The following RIN3 variants were observed in gnomAD, a reference collection of about 807,000 sequenced individuals.
RIN3 encodes the protein Ras and Rab interactor 3.
In RIN3, 54 loss-of-function variants were observed where a neutral mutation model predicts 76.3. The ratio of observed to expected loss-of-function variants is 0.71; its 90% CI spans 0.57 to 0.89. The LOEUF is 0.89. Among genes scored for constraint, RIN3 ranks in the 40% least tolerant of loss-of-function variants. The pLI is 0.00. For synonymous variants in RIN3, 576 were observed against 564.0 expected (o/e 1.02, Z -0.30); for missense variants, 1,256 against 1,322.1 (o/e 0.95, Z 0.78).
intron 4 of RIN3, among the ~76,000 whole-genome samples, chr14:92,619,281 T>G (rs562392799): frequency 2.8e-4 from 42 of 152,278 alleles, no homozygotes; most frequent in African/African-American, 9.9e-4. Flanking sequence ...TGAAGTTTGA[T>G]TTTGGAATTC....
At chr14:92,670,505 A>AG (rs1046524245) in intron 7 of RIN3, among the ~76,000 whole-genome samples, 27 of 152,158 alleles carry the variant, frequency 1.8e-4, no homozygotes, top group Admixed American at 6.5e-4. Context: ...CAGGCTGCTC[A>AG]GGAAGGAGAG....
intron 6 of RIN3, among the ~76,000 whole-genome samples, chr14:92,653,396 C>G (rs1887547369): frequency 6.6e-6 from 1 of 152,228 alleles, no homozygotes; most frequent in African/African-American, 2.4e-5. Context: ...AGCAGGACCA[C>G]TGTGTGGTGC....
chr14:92,529,395 C>T (rs1188280783), intron 1 of RIN3, among the ~76,000 whole-genome samples: 16 of 151,850 alleles, frequency 1.1e-4, no homozygotes, highest in African/African-American at 2.9e-4. Flanking sequence ...ATTACAGGCG[C>T]GTGCCACCAC....
chr14:92,555,588 C>T (rs1000056491), intron 1 of RIN3, among the ~76,000 whole-genome samples, 163 bp from the exon 2 acceptor site: 1 of 152,092 alleles, frequency 6.6e-6, no homozygotes, highest in East Asian at 1.9e-4. Context: ...CTACAAGCAC[C>T]CTAAGATGAA....
intron 3 of RIN3, among the ~76,000 whole-genome samples, chr14:92,603,472 G>A (rs1173514276): frequency 4.6e-5 from 7 of 152,110 alleles, no homozygotes; most frequent in Admixed American, 4.6e-4. Flanking sequence ...CGACCCAGAG[G>A]GTGTGGGAGG....
chr14:92,520,344 A>G (rs1595384697), intron 1 of RIN3, among the ~76,000 whole-genome samples: 1 of 152,190 alleles, frequency 6.6e-6, no homozygotes, highest in East Asian at 1.9e-4. Context: ...GCCTGGAGCC[A>G]TGGGGAAGCA....
At chr14:92,542,443 A>G (rs1338272741) in intron 1 of RIN3, among the ~76,000 whole-genome samples, 1 of 152,222 alleles carries the variant, frequency 6.6e-6, no homozygotes, top group African/African-American at 2.4e-5. Flanking sequence ...TGCTGGAGAA[A>G]TTAGAACCCT....
chr14:92,685,284 TCCCCACACCAGAGGAAGGGC>T lies in RIN3; in HGVS notation c.2631+140_2631+159del, dbSNP rs1295312223. 7 of 927,518 alleles carry T rather than the reference TCCCCACACCAGAGGAAGGGC, an allele frequency of 7.5e-6. No individual in the cohort carries two copies. The highest frequency in any genetic ancestry group is 1.7e-5 in the African/African-American group (1 of 59,938). The allele number at this position is 927,518 out of a possible 1,614,324, so 57.5% of individuals were successfully genotyped here. ...CCCTGCCTTAGGGGAGCAGTGAGAC[TCCCCACACCAGAGGAAGGGC>T]CCCCAGCCCCTGCTGCCAGTGTGTG... On this transcript the variant is annotated intron_variant, in intron 9 of 9. Coordinates refer to ENST00000216487, the MANE Select transcript of RIN3 (RefSeq NM_024832.5). This position sits in a 1 kb window ranked among gnomAD's most constrained non-coding sequence, Gnocchi z 4.7.
At chr14:92,583,778 G>A (rs1361426962) in intron 3 of RIN3, among the ~76,000 whole-genome samples, 1 of 152,184 alleles carries the variant, frequency 6.6e-6, no homozygotes, top group Non-Finnish European at 1.5e-5. Flanking sequence ...ATTCCATGGT[G>A]TATATGCACT....
chr14:92,524,862 G>A (rs1043106655), intron 1 of RIN3, among the ~76,000 whole-genome samples: 3 of 152,224 alleles, frequency 2.0e-5, no homozygotes, highest in African/African-American at 7.2e-5. Flanking sequence ...ATGGCACGAG[G>A]CCCCAGAGAT....
At chr14:92,664,433 T>A (rs12885278) in intron 7 of RIN3, among the ~76,000 whole-genome samples, 37,548 of 142,680 alleles carry the variant, frequency 0.26, 6,097 homozygotes, top group East Asian at 0.43. Flanking sequence ...AGTGGCGCGA[T>A]CTCGGCTCAC....
chr14:92,544,352 T>C (rs1222342294), intron 1 of RIN3, among the ~76,000 whole-genome samples: 3 of 141,934 alleles, frequency 2.1e-5, no homozygotes, highest in Non-Finnish European at 3.0e-5. Flanking sequence ...TCCTCTGGCA[T>C]CAGCTGTTCT....
Position 92,652,386 on chromosome 14 carries a change from T to C in RIN3, c.1337T>C (p.Met446Thr). 2 of 1,611,468 alleles carry C rather than the reference T, an allele frequency of 1.2e-6. No homozygotes were observed. Among genetic ancestry groups the C allele is most frequent in the Non-Finnish European group, 1.7e-6 (2 of 1,178,752 alleles). ...GTGAAAGCCAGCGATCCTCACAGCA[T>C]GCCAGAGCTGCCCAGGACAGCCAAA... The part of the protein sequence containing the change: ...TEVKASDPHS[M>T]PELPRTAKQP... The change falls in exon 6 of 10, where the codon ATG becomes ACG. Residue 446 changes from methionine to threonine, a missense_variant. This residue lies in a region of RIN3 where 610 missense variants were observed against 626.4 expected (regional missense o/e 0.97). Coordinates refer to ENST00000216487, the MANE Select transcript of RIN3 (RefSeq NM_024832.5). The surrounding 1 kb of genome is among the most constrained non-coding windows in gnomAD (Gnocchi z 6.4).
At chr14:92,550,619 A>G (rs1351489241) in intron 1 of RIN3, among the ~76,000 whole-genome samples, 3 of 152,286 alleles carry the variant, frequency 2.0e-5, no homozygotes, top group Admixed American at 6.5e-5. Context: ...TGGTCTCACT[A>G]TATTTCCCAG....
Position 92,648,090 on chromosome 14 carries a change from C to CCT in RIN3, c.533-3492_533-3491insCT, listed in dbSNP as rs1555391128. 7.2e-6 allele frequency among the ~76,000 whole-genome samples: 1 copy of CCT among 138,834 alleles called. No homozygotes were observed. The allele number at this position is 138,834 out of a possible 152,430, so 91.1% of individuals were successfully genotyped here. A position where few individuals can be genotyped will look rare whatever the true frequency, so the allele number is the denominator to read the frequency against. ...GCTGCAGAGAAAGTTACTCATTTCC[C>CCT]TTTTTTTTTTTTTTTTGGAGCATAA... On this transcript the variant is annotated intron_variant, in intron 5 of 9. Coordinates refer to ENST00000216487, the MANE Select transcript of RIN3 (RefSeq NM_024832.5). This position sits in a 1 kb window ranked among gnomAD's most constrained non-coding sequence, Gnocchi z 4.1.
intron 3 of RIN3, among the ~76,000 whole-genome samples, chr14:92,606,527 G>A (rs888478455): frequency 3.9e-5 from 6 of 151,976 alleles, no homozygotes; most frequent in African/African-American, 1.2e-4. Flanking sequence ...TCTGGGTAAC[G>A]GAGCAGGACC....
chr14:92,525,151 G>T (rs900325711), intron 1 of RIN3, among the ~76,000 whole-genome samples: 5 of 152,176 alleles, frequency 3.3e-5, no homozygotes, highest in African/African-American at 1.2e-4. Flanking sequence ...GTGGGGTGGG[G>T]GTTGGCCTGC....
At chr14:92,558,666 A>C (rs562194310) in intron 2 of RIN3, among the ~76,000 whole-genome samples, 1 of 152,278 alleles carries the variant, frequency 6.6e-6, no homozygotes, top group South Asian at 2.1e-4. Context: ...TAAAAGGTAC[A>C]TTGTCATGAG....
chr14:92,606,813 GT>G (rs1303208155), intron 3 of RIN3, among the ~76,000 whole-genome samples: 1 of 152,196 alleles, frequency 6.6e-6, no homozygotes, highest in East Asian at 1.9e-4. Context: ...ATATAAAATG[GT>G]GCTGTCACTT....
Sources: allele counts gnomAD v4.1 joint callset (sites outside exome capture counted in the v4.1 genomes callset), GRCh38; gene constraint gnomAD v4.1.1; regional missense constraint gnomAD v4.1.1; non-coding constraint Gnocchi (gnomAD v3.1); transcripts MANE v1.5; gene names NCBI Gene and HGNC (gene_info 2026-07-23, HGNC 2026-07-21).